Variants in PCDH7 observed in about 807,000 individuals in gnomAD.
PCDH7 encodes the protein protocadherin-7.
A neutral mutation model predicts 58.9 loss-of-function variants in PCDH7; 17 were observed. That is an observed-to-expected ratio of 0.29 (90% CI 0.20 to 0.43). The LOEUF is 0.43. Among genes scored for constraint, PCDH7 ranks in the 20% least tolerant of loss-of-function variants. The probability of loss-of-function intolerance (pLI) is 1.00; values close to 1 mark genes in which losing one functional copy is unlikely to be tolerated. For missense variants in PCDH7, 1,274 were observed against 1,441.0 expected (o/e 0.88, Z 1.88); for synonymous variants, 664 against 616.4 (o/e 1.08, Z -1.14).
intron 2 of PCDH7, among the ~76,000 whole-genome samples, chr4:30,936,634 T>G (rs528488153): frequency 6.6e-6 from 1 of 151,884 alleles, no homozygotes; most frequent in Admixed American, 6.6e-5. Flanking sequence ...ACAATGCATT[T>G]TTTTTTTGTT....
intron 3 of PCDH7, among the ~76,000 whole-genome samples, chr4:31,012,736 G>C (rs1279280425): frequency 1.3e-5 from 2 of 150,560 alleles, no homozygotes; most frequent in Non-Finnish European, 3.0e-5. Context: ...AGATGTCCAG[G>C]CTCACACCTG....
chr4:30,727,040 A>C (rs1714706968), intron 1 of PCDH7, among the ~76,000 whole-genome samples: 2 of 151,974 alleles, frequency 1.3e-5, no homozygotes, highest in African/African-American at 4.8e-5. Flanking sequence ...AAAAGAAAAA[A>C]AGAGAATTCA....
At chr4:30,786,547 T>C (rs1212102679) in intron 1 of PCDH7, among the ~76,000 whole-genome samples, 1 of 151,988 alleles carries the variant, frequency 6.6e-6, no homozygotes, top group Non-Finnish European at 1.5e-5. Context: ...GGGTTGTTAA[T>C]TGTAGTGAGG....
chr4:30,912,534 C>CATTCAGAAATA (rs1364039482), intron 1 of PCDH7, among the ~76,000 whole-genome samples: 1 of 152,136 alleles, frequency 6.6e-6, no homozygotes, highest in Non-Finnish European at 1.5e-5. Context: ...CTTTTCAGCC[C>CATTCAGAAATA]ATTCAGAAAT....
intron 3 of PCDH7, among the ~76,000 whole-genome samples, chr4:30,955,852 G>C (rs1370263713): frequency 1.3e-5 from 2 of 151,814 alleles, no homozygotes; most frequent in African/African-American, 4.8e-5. Context: ...CTCGGCCAAG[G>C]CCATTGTTAA....
intron 1 of PCDH7, among the ~76,000 whole-genome samples, chr4:30,772,358 T>C (rs1721523554): frequency 6.6e-6 from 1 of 152,210 alleles, no homozygotes; most frequent in South Asian, 2.1e-4. Context: ...AGAAATGGAT[T>C]GGAAATTCAA....
intron 3 of PCDH7, among the ~76,000 whole-genome samples, chr4:31,005,843 A>G (rs1300006663): frequency 6.6e-6 from 1 of 152,208 alleles, no homozygotes; most frequent in Non-Finnish European, 1.5e-5. Flanking sequence ...GCCCACTTCT[A>G]TCACCGGAGA....
intron 3 of PCDH7, among the ~76,000 whole-genome samples, chr4:31,068,936 C>T (rs1176354669): frequency 6.6e-6 from 1 of 151,882 alleles, no homozygotes; most frequent in African/African-American, 2.4e-5. Context: ...CAGAGAATAA[C>T]ATTTGTTTTA....
chr4:30,795,758 A>T (rs748061908), intron 1 of PCDH7, among the ~76,000 whole-genome samples: 1 of 152,220 alleles, frequency 6.6e-6, no homozygotes, highest in African/African-American at 2.4e-5. Flanking sequence ...GTTTACCAAG[A>T]CTTTGAAAAG....
chr4:30,847,721 G>A (rs1483963826), intron 1 of PCDH7, among the ~76,000 whole-genome samples: 1 of 152,142 alleles, frequency 6.6e-6, no homozygotes. Context: ...AATGTAAAGT[G>A]TTATAAACAA....
At chr4:30,899,852 C>A (rs1739982531) in intron 1 of PCDH7, among the ~76,000 whole-genome samples, 1 of 152,122 alleles carries the variant, frequency 6.6e-6, no homozygotes, top group South Asian at 2.1e-4. Context: ...AGGGGTGGAC[C>A]TGACTCCCAC....
At chr4:30,963,977 A>G (rs957697730) in intron 3 of PCDH7, among the ~76,000 whole-genome samples, 1 of 152,176 alleles carries the variant, frequency 6.6e-6, no homozygotes, top group African/African-American at 2.4e-5. Context: ...TCTATTTCAA[A>G]CACATATGTC....
At chr4:30,779,735 C>T (rs1464783416) in intron 1 of PCDH7, among the ~76,000 whole-genome samples, 1 of 152,158 alleles carries the variant, frequency 6.6e-6, no homozygotes, top group Non-Finnish European at 1.5e-5. Context: ...TTTAGTAGAT[C>T]AAACTGTTAG....
At chr4:30,927,803 C>T (rs1432040267) in intron 2 of PCDH7, among the ~76,000 whole-genome samples, 4 of 151,704 alleles carry the variant, frequency 2.6e-5, no homozygotes, top group African/African-American at 9.7e-5. Flanking sequence ...CACTATTGTC[C>T]TATGACCCTG....
At chr4:30,852,858 G>T (rs1224485247) in intron 1 of PCDH7, among the ~76,000 whole-genome samples, 1 of 148,156 alleles carries the variant, frequency 6.7e-6, no homozygotes, top group Non-Finnish European at 1.5e-5. Flanking sequence ...AAAAAAGAAG[G>T]CTCTGTTTGA....
intron 1 of PCDH7, among the ~76,000 whole-genome samples, chr4:30,729,275 G>A (rs1715123909): frequency 6.6e-6 from 1 of 151,888 alleles, no homozygotes; most frequent in Non-Finnish European, 1.5e-5. Flanking sequence ...TATTTCAATT[G>A]CAGTAGAAAT....
chr4:31,138,476 C>T (rs1490120557), intron 3 of PCDH7, among the ~76,000 whole-genome samples: 1 of 151,994 alleles, frequency 6.6e-6, no homozygotes, highest in African/African-American at 2.4e-5. Context: ...CTAAATAACT[C>T]AGCTGTTATA....
At chr4:31,137,245 A>ATGTGGTTTTGTTTTG (rs1719712810) in intron 3 of PCDH7, among the ~76,000 whole-genome samples, 1 of 152,204 alleles carries the variant, frequency 6.6e-6, no homozygotes, top group Non-Finnish European at 1.5e-5. Context: ...AAGTTCCTGC[A>ATGTGGTTTTGTTTTG]TGTGGTTTTG....
intron 1 of PCDH7, among the ~76,000 whole-genome samples, chr4:30,899,191 T>G (rs1393554313): frequency 6.6e-6 from 1 of 152,098 alleles, no homozygotes; most frequent in Non-Finnish European, 1.5e-5. Context: ...ACGCTACAGA[T>G]TTTGAGAATG....
Sources: gnomAD v4.1 joint callset for allele counts (sites outside exome capture counted in the v4.1 genomes callset) on GRCh38, gnomAD v4.1.1 for gene constraint, MANE v1.5 for transcripts, NCBI Gene and HGNC (gene_info 2026-07-23, HGNC 2026-07-21) for gene names.